ADGRG1: variants seen among roughly 807,000 people sequenced by gnomAD.
The protein encoded by ADGRG1 is 7-transmembrane protein with no EGF-like N-terminal domains-1.
Under a neutral mutation model 73.5 loss-of-function variants are expected in ADGRG1, and 53 were observed. The observed-to-expected ratio is 0.72, with a 90% confidence interval of 0.58 to 0.91. The LOEUF is 0.91. ADGRG1 is among the 40% of genes least tolerant of loss of function. ADGRG1 has a pLI of 0.00. For missense variants in ADGRG1, 795 were observed against 871.8 expected, an observed-to-expected ratio of 0.91 and a Z score of 1.11; for synonymous variants, 394 against 374.4, an observed-to-expected ratio of 1.05 and a Z score of -0.60.
At chr16:57,640,804 T>C (rs1281965372) in intron 1 of ADGRG1, 1 of 807,720 alleles carries the variant, frequency 1.2e-6, no homozygotes, top group Non-Finnish European at 1.5e-6. Flanking sequence ...GGAGGGTTGG[T>C]GGCCAGCCTG....
rs1400533984 is a variant in ADGRG1, at chr16:57,628,632, A to G, written c.-206A>G. 1.0e-6 allele frequency: 1 copy of G among 985,462 alleles called. No individual in the cohort carries two copies. Among genetic ancestry groups the G allele is most frequent in the Non-Finnish European group, 1.2e-6 (1 of 829,940 alleles). 61.0% of individuals were successfully genotyped at this position (985,462 alleles called of 1,614,324 possible). A position where few individuals can be genotyped will look rare whatever the true frequency, so the allele number is the denominator to read the frequency against. ...ACAAACCCGGTCCCTCCCTCTCCGC[A>G]CTAGCTGTCTGCCCTGCCCTGCCGT... On this transcript the variant is annotated 5_prime_UTR_variant, in exon 1 of 14. Transcript: ENST00000562631.
At chr16:57,636,080 C>T (rs2039292359) in intron 1 of ADGRG1, 1 of 985,234 alleles carries the variant, frequency 1.0e-6, no homozygotes, top group Admixed American at 6.1e-5. Flanking sequence ...CCTTGCTTGA[C>T]CTTGGAGAGC....
chr16:57,651,116 T>G (rs1433466509), intron 2 of ADGRG1, 84 bp from the exon 3 acceptor site: 2 of 1,605,606 alleles, frequency 1.2e-6, no homozygotes, highest in Non-Finnish European at 1.7e-6. Context: ...CAGGTTCACA[T>G]GTACTCAGCC....
At position 57,663,567 on chromosome 16, in the gene ADGRG1, G is replaced by A. The variant is rs771915499; in HGVS notation, c.2049G>A (p.Ser683=). 2.0e-5 allele frequency: 33 copies of A among 1,613,346 alleles called. No homozygotes were observed. The highest frequency in any genetic ancestry group is 2.5e-5 in the Non-Finnish European group (29 of 1,180,014). The change falls in exon 14 of 14, where the codon TCG becomes TCA. Residue 683 remains serine, a synonymous_variant. Coordinates refer to ENST00000562631, the MANE Select transcript of ADGRG1 (RefSeq NM_201525.4). ...ARLPISSGST[S]SSRI ...TCCCCATCAGCTCGGGCAGCACCTC[G>A]TCCAGCCGCATCTAGGCCTCCAGCC...
At chr16:57,633,025 GTCC>G (rs2038413510) in intron 1 of ADGRG1, 1 of 855,678 alleles carries the variant, frequency 1.2e-6, no homozygotes, top group African/African-American at 1.8e-5. Context: ...CCAGGTCTCT[GTCC>G]TCCTAGTACC....
intron 1 of ADGRG1, chr16:57,633,023 C>A: frequency 1.1e-6 from 1 of 879,650 alleles, no homozygotes; most frequent in Non-Finnish European, 1.4e-6. Context: ...CCCCAGGTCT[C>A]TGTCCTCCTA....
At position 57,651,505 on chromosome 16, in the gene ADGRG1, C is replaced by A. The variant is rs754843087; in HGVS notation, c.370C>A (p.His124Asn). ...DKASSLLCFQ[H>N]QEESLAQGPP... ...AGCCTCTAGCCTCCTCTGCTTCCAG[C>A]ACCAGGAGGAGAGCCTGGCTCAGGG... Residue 124 changes from histidine (H) to asparagine (N), a missense_variant, in exon 3 of 14, where the codon CAC becomes AAC. Physicochemically the swap from His to Asn is moderately conservative, Grantham distance 68. Transcript: ENST00000562631. The A allele has an allele frequency of 6.2e-7, 1 of 1,614,116 alleles. No homozygotes were observed. Among genetic ancestry groups the A allele is most frequent in the Non-Finnish European group, 8.5e-7 (1 of 1,180,034 alleles).
chr16:57,653,631 C>A (rs955032760), intron 4 of ADGRG1: 1 of 967,874 alleles, frequency 1.0e-6, no homozygotes, highest in Middle Eastern at 5.3e-4. Context: ...GACGGCAGAG[C>A]CGCTCCAAGG....
At chr16:57,637,889 C>G (rs773278908) in intron 1 of ADGRG1, among the ~76,000 whole-genome samples, 16 of 152,220 alleles carry the variant, frequency 1.1e-4, no homozygotes, top group Non-Finnish European at 2.1e-4. Context: ...CCCACTTGTG[C>G]TCTGAGAAAG....
rs778832119 is a variant in ADGRG1 at position 57,655,398 on chromosome 16, G to A, written c.769-1G>A. 1.1e-5 allele frequency: 17 copies of A among 1,612,928 alleles called. No homozygotes were observed. Among genetic ancestry groups the A allele is most frequent in the Non-Finnish European group, 2.5e-6 (3 of 1,179,948 alleles). On this transcript the variant is annotated splice_acceptor_variant, in intron 5 of 13. Coordinates refer to ENST00000562631, the MANE Select transcript of ADGRG1 (RefSeq NM_201525.4). LOFTEE classifies it high-confidence loss of function. Reference sequence around the variant, plus strand: ...GCTGAGCCCTAAAGGGACCTCTGCAGGAGGAGCAGAGCGAGATCATGGAGT... The same window carrying A: ...GCTGAGCCCTAAAGGGACCTCTGCAAGAGGAGCAGAGCGAGATCATGGAGT...
intron 13 of ADGRG1, chr16:57,663,000 G>T: frequency 1.0e-6 from 1 of 984,952 alleles, no homozygotes; most frequent in South Asian, 4.7e-5. Context: ...CCTGTGAGAT[G>T]AGGGGACTCA....
chr16:57,653,268 C>G lies in ADGRG1; in HGVS notation c.553C>G (p.Leu185Val). The change falls in exon 4 of 14, where the codon CTG (leucine) becomes GTG (valine). Residue 185 changes from leucine to valine, a missense_variant. Transcript: ENST00000562631. ...DMCELKRDLQ[L>V]LSQFLKHPQK... ...GTGCGAGCTCAAAAGGGACCTCCAGCTGCTCAGCCAGTTCCTGAAGCATCC... is the reference window on the plus strand; with the variant it reads ...GTGCGAGCTCAAAAGGGACCTCCAGGTGCTCAGCCAGTTCCTGAAGCATCC... 7 of 1,612,898 alleles carry G rather than the reference C, an allele frequency of 4.3e-6. No homozygotes were observed. The highest frequency in any genetic ancestry group is 5.9e-6 in the Non-Finnish European group (7 of 1,179,932).
chr16:57,638,447 C>T (rs1008178742), intron 1 of ADGRG1, among the ~76,000 whole-genome samples: 2 of 152,164 alleles, frequency 1.3e-5, no homozygotes, highest in Non-Finnish European at 2.9e-5. Context: ...TTTCCTCCTT[C>T]CCCAGACTGG....
upstream of ADGRG1, chr16:57,628,005 ATGAC>A: frequency 3.0e-6 from 3 of 985,350 alleles, no homozygotes; most frequent in South Asian, 1.4e-4. Context: ...AGAATCCAAA[ATGAC>A]TTGGGATGTT....
chr16:57,660,855 A>G lies in ADGRG1; in HGVS notation c.1643A>G (p.Glu548Gly). 1 of 1,601,728 alleles carries G rather than the reference A, an allele frequency of 6.2e-7. No homozygotes were observed. Among genetic ancestry groups the G allele is most frequent in the African/African-American group, 1.3e-5 (1 of 74,806 alleles). The change falls in exon 12 of 14, where the codon GAG becomes GGG. Residue 548 changes from glutamate to glycine, a missense_variant. Physicochemically the swap from Glu to Gly is moderately conservative, Grantham distance 98. Transcript: ENST00000562631. Reference protein sequence around the residue: ...PIILAVHRTPEGVIYPSMCWI... With the variant: ...PIILAVHRTPGGVIYPSMCWI... ...ATCTTGGCTGTGCATAGGACTCCAG[A>G]GGGCGTCATCTACCCTTCCATGTGA... is the stretch of plus-strand genomic sequence containing the variant.
intron 1 of ADGRG1, chr16:57,646,513 C>A: frequency 1.0e-6 from 1 of 985,372 alleles, no homozygotes; most frequent in Non-Finnish European, 1.2e-6. Context: ...AGGTCAAGGG[C>A]GGCTGCTCTG....
Position 57,663,721 on chromosome 16 carries a change from G to A in ADGRG1, c.*139G>A, listed in dbSNP as rs376254412. On this transcript the variant is annotated 3_prime_UTR_variant, in exon 14 of 14. Transcript: ENST00000562631. ...CCCAACGACCATGGAGAGATGGGCC[G>A]TTGCCATGGTGGACGGACTCCCGGG... is the stretch of plus-strand genomic sequence containing the variant. 1,009 of 942,226 alleles carry A rather than the reference G, an allele frequency of 1.1e-3. 3 individuals are homozygous for A. The highest frequency in any genetic ancestry group is 3.7e-3 in the African/African-American group (229 of 61,756). The allele number at this position is 942,226 out of a possible 1,614,324, so 58.4% of individuals were successfully genotyped here.
chr16:57,628,260 C>A, upstream of ADGRG1: 1 of 848,210 alleles, frequency 1.2e-6, no homozygotes, highest in Non-Finnish European at 1.4e-6. Context: ...GGGCGGACAG[C>A]ATCCAAGGGC....
At chr16:57,645,595 C>T (rs959010898) in intron 1 of ADGRG1, among the ~76,000 whole-genome samples, 2 of 152,212 alleles carry the variant, frequency 1.3e-5, no homozygotes, top group African/African-American at 2.4e-5. Context: ...CTGACCATCT[C>T]TAAACCAGGG....
Sources: allele counts gnomAD v4.1 joint callset (sites outside exome capture counted in the v4.1 genomes callset), GRCh38; gene constraint gnomAD v4.1.1; transcripts MANE v1.5; gene names NCBI Gene and HGNC (gene_info 2026-07-23, HGNC 2026-07-21).